The following KDM6A variants were observed in gnomAD, a reference collection of about 807,000 sequenced individuals.
KDM6A encodes lysine demethylase 6A, also known as lysine-specific demethylase 6A.
A neutral mutation model predicts 117.6 loss-of-function variants in KDM6A; 11 were observed. The ratio of observed to expected loss-of-function variants is 0.09; its 90% CI spans 0.06 to 0.15. KDM6A has a LOEUF of 0.15. KDM6A is among the 10% of genes least tolerant of loss of function. The pLI, the probability that KDM6A is intolerant of heterozygous loss-of-function variation, is 1.00. For synonymous variants in KDM6A, 384 were observed against 396.1 expected (o/e 0.97, Z 0.36); for missense variants, 799 against 1,077.3 (o/e 0.74, Z 3.62).
intron 4 of KDM6A, among the ~76,000 whole-genome samples, chrX:45,004,441 G>A (rs181817229): frequency 1.3e-4 from 15 of 111,209 alleles, no homozygotes; most frequent in African/African-American, 4.6e-4. Context: ...CTCACTTAGG[G>A]GACGGTCTTC....
At chrX:45,045,643 G>A (rs1295339376) in intron 8 of KDM6A, among the ~76,000 whole-genome samples, 1 of 108,391 alleles carries the variant, frequency 9.2e-6, no homozygotes, top group African/African-American at 3.4e-5. Flanking sequence ...TTTTGCATCT[G>A]ACTTATTTCA....
At chrX:44,952,419 C>T (rs2038066938) in intron 2 of KDM6A, among the ~76,000 whole-genome samples, 1 of 109,425 alleles carries the variant, frequency 9.1e-6, no homozygotes, top group Admixed American at 9.8e-5. Context: ...TTACAGGCGC[C>T]CACCACCACG....
intron 2 of KDM6A, among the ~76,000 whole-genome samples, chrX:44,956,987 G>A (rs919663110): frequency 1.0e-4 from 11 of 110,067 alleles, no homozygotes; most frequent in Non-Finnish European, 1.9e-4. Context: ...AAAATTAGCC[G>A]GGCATGGTGG....
At chrX:45,004,741 C>T (rs907420506) in intron 4 of KDM6A, among the ~76,000 whole-genome samples, 17 of 111,436 alleles carry the variant, frequency 1.5e-4, no homozygotes, top group Admixed American at 4.8e-4. Flanking sequence ...GTTATTGTCC[C>T]ACCAGGGGTC....
At chrX:44,886,379 A>G (rs1430947749) in intron 2 of KDM6A, among the ~76,000 whole-genome samples, 3 of 110,592 alleles carry the variant, frequency 2.7e-5, no homozygotes, top group Non-Finnish European at 5.7e-5. Flanking sequence ...AGAATTGGCA[A>G]ATTTTGCCTT....
At chrX:44,955,455 G>A (rs1286529913) in intron 2 of KDM6A, among the ~76,000 whole-genome samples, 4 of 110,905 alleles carry the variant, frequency 3.6e-5, no homozygotes, top group Non-Finnish European at 1.9e-5. Context: ...ATAATACTAA[G>A]TATTTTTAAT....
At chrX:44,952,313 C>T (rs1277779621) in intron 2 of KDM6A, among the ~76,000 whole-genome samples, 1 of 101,147 alleles carries the variant, frequency 9.9e-6, no homozygotes, top group African/African-American at 4.0e-5. Context: ...CTGTCATTGC[C>T]CAGGCTGGAA....
intron 2 of KDM6A, among the ~76,000 whole-genome samples, chrX:44,958,313 G>T (rs2038461155): frequency 9.3e-6 from 1 of 108,042 alleles, no homozygotes; most frequent in South Asian, 4.1e-4. Context: ...CTCCTGAGTA[G>T]CTGGGACTAC....
Position 45,009,925 on chromosome X carries a change from T to G in KDM6A, c.385-1036T>G, listed in dbSNP as rs988628656. Among the ~76,000 whole-genome samples the G allele has an allele frequency of 7.1e-5, 8 of 111,976 alleles. No individual in the cohort carries two copies. The Admixed American group carries it at 7.6e-4, about 11-fold the overall frequency. ...TAAACTACTTGTACAAAAACCTTTA[T>G]CTCACAGTCTTTCTTGGGAGATGCA... On this transcript the variant is annotated intron_variant, in intron 4 of 29. Transcript: ENST00000611820.
Position 45,090,875 on chromosome X carries a change from T to A in KDM6A, c.4034+11T>A, listed in dbSNP as rs750717024. 3 of 1,206,353 alleles carry A rather than the reference T, an allele frequency of 2.5e-6. No homozygotes were observed. Among genetic ancestry groups the A allele is most frequent in the Non-Finnish European group, 3.4e-6 (3 of 890,610 alleles). ...TTTTGAAATGATTAAGTAAGTCTTTTCTAAAACTGCTGTAGTCCCTCTCTT... is the reference window on the plus strand; with the variant it reads ...TTTTGAAATGATTAAGTAAGTCTTTACTAAAACTGCTGTAGTCCCTCTCTT... On this transcript the variant is annotated intron_variant, in intron 27 of 29. Coordinates refer to ENST00000611820, the MANE Select transcript of KDM6A (RefSeq NM_001291415.2).
At chrX:44,892,511 A>G (rs2033449613) in intron 2 of KDM6A, among the ~76,000 whole-genome samples, 1 of 109,780 alleles carries the variant, frequency 9.1e-6, no homozygotes, top group African/African-American at 3.3e-5. Context: ...AACATGGTGA[A>G]ACCCCGTCTC....
intron 25 of KDM6A, among the ~76,000 whole-genome samples, chrX:45,087,746 G>A (rs192854577): frequency 7.3e-4 from 82 of 111,697 alleles, no homozygotes; most frequent in African/African-American, 2.5e-3. Flanking sequence ...TAAATGGAGA[G>A]GTGTCTTGGG....
intron 7 of KDM6A, among the ~76,000 whole-genome samples, chrX:45,035,425 T>C (rs1042731377): frequency 3.6e-5 from 4 of 111,770 alleles, no homozygotes; most frequent in African/African-American, 1.3e-4. Flanking sequence ...TTATATATCA[T>C]TTAGAAAGCT....
intron 2 of KDM6A, among the ~76,000 whole-genome samples, chrX:44,907,110 T>C (rs1282857770): frequency 8.9e-6 from 1 of 112,071 alleles, no homozygotes; most frequent in Admixed American, 9.5e-5. Context: ...ATTTAGATTA[T>C]TAAAACTACA....
intron 2 of KDM6A, among the ~76,000 whole-genome samples, chrX:44,953,288 A>C (rs963402853): frequency 1.8e-5 from 2 of 111,007 alleles, no homozygotes; most frequent in African/African-American, 6.6e-5. Context: ...GATTCTACCC[A>C]AGTAGGCAGA....
intron 2 of KDM6A, among the ~76,000 whole-genome samples, chrX:44,945,499 A>G (rs2037579211): frequency 9.0e-6 from 1 of 110,949 alleles, no homozygotes; most frequent in Admixed American, 9.7e-5. Context: ...TGAGATGCCA[A>G]GAATATCACT....
In KDM6A at chrX:45,089,826, T is replaced by G; in HGVS notation, c.3788T>G (p.Ile1263Ser). ...YEANVPVYRF[I>S]QRPGDLVWIN... Reference sequence around the variant, plus strand: ...GCAAATGTTCCAGTGTATAGGTTTATTCAGCGACCTGGAGATTTGGTCTGG... The same window carrying G: ...GCAAATGTTCCAGTGTATAGGTTTAGTCAGCGACCTGGAGATTTGGTCTGG... Residue 1263 changes from isoleucine (I) to serine (S), a missense_variant, in exon 26 of 30, where the codon ATT becomes AGT. Physicochemically the swap from Ile to Ser is moderately radical, Grantham distance 142 (BLOSUM62 -2). Around this residue, in one of 8 missense-constraint regions of KDM6A, gnomAD observed 291 missense variants for 437.9 expected, o/e 0.66. Coordinates refer to ENST00000611820, the MANE Select transcript of KDM6A (RefSeq NM_001291415.2). The G allele has an allele frequency of 8.3e-7, 1 of 1,209,904 alleles. No individual in the cohort carries two copies. Among genetic ancestry groups the G allele is most frequent in the Non-Finnish European group, 1.1e-6 (1 of 893,748 alleles).
At chrX:45,090,146 A>G (rs1292671845) in intron 26 of KDM6A, among the ~76,000 whole-genome samples, 1 of 112,268 alleles carries the variant, frequency 8.9e-6, no homozygotes. Context: ...TGGCTTTAAT[A>G]TACATGAAGG....
chrX:44,945,067 A>T (rs1302702991), intron 2 of KDM6A, among the ~76,000 whole-genome samples: 1 of 111,490 alleles, frequency 9.0e-6, no homozygotes, highest in African/African-American at 3.3e-5. Context: ...TTTATGGAAG[A>T]TATTTTTGCT....
Sources: allele counts gnomAD v4.1 joint callset (sites outside exome capture counted in the v4.1 genomes callset), GRCh38; gene constraint gnomAD v4.1.1; regional missense constraint gnomAD v4.1.1; transcripts MANE v1.5; gene names NCBI Gene and HGNC (gene_info 2026-07-23, HGNC 2026-07-21).